Variants in PRRX2 observed in about 807,000 individuals in gnomAD.
PRRX2 encodes the protein paired mesoderm homeobox protein 2.
Under a neutral mutation model 18.0 loss-of-function variants are expected in PRRX2, and 11 were observed. The ratio of observed to expected loss-of-function variants is 0.61; its 90% CI spans 0.39 to 1.01. The LOEUF is 1.01. Ranked by LOEUF, PRRX2 falls within the 50% of genes least tolerant of loss-of-function variation. The pLI, the probability that PRRX2 is intolerant of heterozygous loss-of-function variation, is 0.01. For missense variants in PRRX2, 387 were observed against 351.0 expected (o/e 1.10, Z -0.82); for synonymous variants, 177 against 154.8 (o/e 1.14, Z -1.06).
chr9:129,667,660 C>G (rs1032607551), intron 1 of PRRX2, among the ~76,000 whole-genome samples: 5 of 152,050 alleles, frequency 3.3e-5, no homozygotes, highest in African/African-American at 1.2e-4. Context: ...CAGTCCTGGC[C>G]AGGGGACGGC....
chr9:129,683,130 A>G (rs1294640041), intron 1 of PRRX2, among the ~76,000 whole-genome samples: 1 of 151,998 alleles, frequency 6.6e-6, no homozygotes, highest in African/African-American at 2.4e-5. Flanking sequence ...CCCTCTGGCT[A>G]TGCCAGTTCC....
In PRRX2 at chr9:129,709,807, A is replaced by T. The variant is rs1171609414; in HGVS notation, c.260-9424A>T. On this transcript the variant is annotated intron_variant, in intron 1 of 3. Transcript: ENST00000372469. This position sits in a 1 kb window ranked among gnomAD's most constrained non-coding sequence, Gnocchi z 4.2. ...TTCCTCACTCGGAGGACGTGTCCTC[A>T]CCAGGCCTCCATGGCTCCAGGGGAG... Among the ~76,000 whole-genome samples, 2 of 152,010 alleles carry T rather than the reference A, an allele frequency of 1.3e-5. No individual in the cohort carries two copies. The highest frequency in any genetic ancestry group is 2.9e-5 in the Non-Finnish European group (2 of 67,996).
At chr9:129,698,047 C>T (rs1832449039) in intron 1 of PRRX2, among the ~76,000 whole-genome samples, 2 of 151,970 alleles carry the variant, frequency 1.3e-5, no homozygotes, top group Admixed American at 6.6e-5. Context: ...GTCCCAGCTC[C>T]GCACCAAATC....
rs1220568825 is a variant in PRRX2 at position 129,665,763 on chromosome 9, G to A, written c.-105G>A. 5.9e-6 allele frequency: 5 copies of A among 850,138 alleles called. No homozygotes were observed. The African/African-American group carries it at 9.2e-5, about 16-fold the overall frequency. 52.7% of individuals were successfully genotyped at this position (850,138 alleles called of 1,614,324 possible). On this transcript the variant is annotated 5_prime_UTR_variant, in exon 1 of 4. Coordinates refer to ENST00000372469, the MANE Select transcript of PRRX2 (RefSeq NM_016307.4). The surrounding 1 kb of genome is among the most constrained non-coding windows in gnomAD (Gnocchi z 5.3). ...GAGGCTAGGAGGCGGCGGGAGCTGG[G>A]CAGAGCGCGGGGCGGCCGGGGCTCT...
At chr9:129,693,170 G>A (rs1205212746) in intron 1 of PRRX2, among the ~76,000 whole-genome samples, 1 of 152,122 alleles carries the variant, frequency 6.6e-6, no homozygotes, top group African/African-American at 2.4e-5. Context: ...TCTTTCATAT[G>A]CTTACTTGCC....
intron 1 of PRRX2, among the ~76,000 whole-genome samples, chr9:129,717,569 G>A (rs940099318): frequency 2.0e-5 from 3 of 151,694 alleles, no homozygotes; most frequent in African/African-American, 7.3e-5. Flanking sequence ...GTTGGTGGGC[G>A]CCTGTAATCC....
intron 1 of PRRX2, among the ~76,000 whole-genome samples, chr9:129,674,039 G>A (rs1320365874): frequency 1.3e-5 from 2 of 152,164 alleles, no homozygotes; most frequent in Non-Finnish European, 2.9e-5. Context: ...CCCCTCCCAA[G>A]GAGCATGGCT....
intron 1 of PRRX2, among the ~76,000 whole-genome samples, chr9:129,692,231 T>C (rs1324331570): frequency 6.6e-6 from 1 of 151,922 alleles, no homozygotes; most frequent in Non-Finnish European, 1.5e-5. Flanking sequence ...ATTACAGGCA[T>C]GAGCCACCAC....
intron 1 of PRRX2, among the ~76,000 whole-genome samples, chr9:129,676,843 A>G (rs1832167117): frequency 6.6e-6 from 1 of 152,310 alleles, no homozygotes; most frequent in African/African-American, 2.4e-5. Context: ...AAACCTGGAG[A>G]AAGAAGGGCT....
rs1015298696 is a variant in PRRX2, at chr9:129,700,399, C to T, written c.260-18832C>T. 5.3e-5 allele frequency among the ~76,000 whole-genome samples: 8 copies of T among 150,300 alleles called. No individual in the cohort carries two copies. In the East Asian group the frequency reaches 1.6e-3, roughly 30 times the overall value. ...TGTCGCCCAGGCTGGAGTGCAGTGGCGCAATCTCGGCTCTCCGCCTCCCAG... is the reference window on the plus strand; with the variant it reads ...TGTCGCCCAGGCTGGAGTGCAGTGGTGCAATCTCGGCTCTCCGCCTCCCAG... On this transcript the variant is annotated intron_variant, in intron 1 of 3. Coordinates refer to ENST00000372469, the MANE Select transcript of PRRX2 (RefSeq NM_016307.4).
At chr9:129,707,300 A>G (rs757617138) in intron 1 of PRRX2, among the ~76,000 whole-genome samples, 7 of 152,058 alleles carry the variant, frequency 4.6e-5, no homozygotes, top group Non-Finnish European at 1.0e-4. Context: ...ATCATGCACT[A>G]TATATTCCCT....
At chr9:129,716,500 G>A (rs914721332) in intron 1 of PRRX2, among the ~76,000 whole-genome samples, 2 of 151,116 alleles carry the variant, frequency 1.3e-5, no homozygotes, top group African/African-American at 4.9e-5. Context: ...TGTCGCCCAG[G>A]CTGGAGTGCA....
chr9:129,667,869 C>T (rs1832046787), intron 1 of PRRX2, among the ~76,000 whole-genome samples: 1 of 152,222 alleles, frequency 6.6e-6, no homozygotes, highest in African/African-American at 2.4e-5. Flanking sequence ...TCCCCAGCAG[C>T]TCCCTGGGGC....
chr9:129,691,439 T>C (rs1280061484), intron 1 of PRRX2, among the ~76,000 whole-genome samples: 1 of 152,158 alleles, frequency 6.6e-6, no homozygotes, highest in African/African-American at 2.4e-5. Flanking sequence ...TTTGCTGTTA[T>C]TTATGCTTGA....
chr9:129,682,540 G>A lies in PRRX2; in HGVS notation c.259+16414G>A, dbSNP rs368849014. Reference sequence around the variant, plus strand: ...CTCCGCCCCAGCCCCACCCTGGGGCGGGGTGGTGAGAATAGGGACTTGTTT... The same window carrying A: ...CTCCGCCCCAGCCCCACCCTGGGGCAGGGTGGTGAGAATAGGGACTTGTTT... On this transcript the variant is annotated intron_variant, in intron 1 of 3. Transcript: ENST00000372469. Among the ~76,000 whole-genome samples, 4 of 152,154 alleles carry A rather than the reference G, an allele frequency of 2.6e-5. No individual in the cohort carries two copies. The East Asian group carries it at 7.8e-4, about 30-fold the overall frequency.
chr9:129,679,919 C>G (rs1180713952), intron 1 of PRRX2, among the ~76,000 whole-genome samples: 1 of 152,176 alleles, frequency 6.6e-6, no homozygotes, highest in Non-Finnish European at 1.5e-5. Context: ...TGTGGAGATT[C>G]TGGCCCAACC....
intron 1 of PRRX2, among the ~76,000 whole-genome samples, chr9:129,706,384 TA>T (rs1257260574): frequency 6.6e-6 from 1 of 151,992 alleles, no homozygotes; most frequent in Non-Finnish European, 1.5e-5. Flanking sequence ...AGCAACCCGG[TA>T]AAACCCTGTC....
chr9:129,698,940 C>T (rs1408499295), intron 1 of PRRX2, among the ~76,000 whole-genome samples: 3 of 152,210 alleles, frequency 2.0e-5, no homozygotes, highest in Non-Finnish European at 2.9e-5. Flanking sequence ...AGGGAGGATG[C>T]TGGCCCAGCT....
At chr9:129,679,910 G>A (rs1402911606) in intron 1 of PRRX2, among the ~76,000 whole-genome samples, 1 of 152,172 alleles carries the variant, frequency 6.6e-6, no homozygotes, top group Non-Finnish European at 1.5e-5. Context: ...CGGCTCTGCT[G>A]TGGAGATTCT....
Sources: allele counts gnomAD v4.1 joint callset (sites outside exome capture counted in the v4.1 genomes callset), GRCh38; gene constraint gnomAD v4.1.1; non-coding constraint Gnocchi (gnomAD v3.1); transcripts MANE v1.5; gene names NCBI Gene and HGNC (gene_info 2026-07-23, HGNC 2026-07-21).